Variants in PBX3 observed in about 807,000 individuals in gnomAD.
The protein encoded by PBX3 is pre-B-cell leukemia transcription factor 3.
PBX3 carries 14 observed loss-of-function variants against 48.5 expected under a neutral mutation model. The ratio of observed to expected loss-of-function variants is 0.29; its 90% CI spans 0.19 to 0.45. PBX3 has a LOEUF of 0.45. Among genes scored for constraint, PBX3 ranks in the 20% least tolerant of loss-of-function variants. The pLI, the probability that PBX3 is intolerant of heterozygous loss-of-function variation, is 1.00. For synonymous variants in PBX3, 210 were observed against 200.3 expected (o/e 1.05, Z -0.41); for missense variants, 386 against 546.7 (o/e 0.71, Z 2.93).
chr9:125,869,452 A>G (rs146282899), intron 2 of PBX3, among the ~76,000 whole-genome samples: 320 of 152,342 alleles, frequency 2.1e-3, no homozygotes, highest in Non-Finnish European at 3.6e-3. Flanking sequence ...ATGGGAAGAT[A>G]ACATCACCAA....
intron 2 of PBX3, among the ~76,000 whole-genome samples, chr9:125,800,361 A>G (rs751215362): frequency 2.7e-5 from 4 of 150,668 alleles, no homozygotes; most frequent in Non-Finnish European, 6.0e-5. Context: ...CCTCAGTGGT[A>G]TATATTCTAC....
At chr9:125,873,035 T>TA (rs1057183059) in intron 2 of PBX3, among the ~76,000 whole-genome samples, 4 of 150,572 alleles carry the variant, frequency 2.7e-5, no homozygotes, top group Admixed American at 6.6e-5. Flanking sequence ...CCGTCTCTAC[T>TA]AAAAAAAATA....
chr9:125,924,558 C>T (rs1841529291), intron 3 of PBX3, among the ~76,000 whole-genome samples: 1 of 152,150 alleles, frequency 6.6e-6, no homozygotes, highest in African/African-American at 2.4e-5. Flanking sequence ...TATTTAAGAT[C>T]ACTGGTCTGG....
At position 125,775,707 on chromosome 9, in the gene PBX3, T is replaced by A. The variant is rs1268319148; in HGVS notation, c.274+27084T>A. Among the ~76,000 whole-genome samples, 3 of 152,352 alleles carry A rather than the reference T, an allele frequency of 2.0e-5. No homozygotes were observed. The East Asian group carries it at 5.8e-4, about 29-fold the overall frequency. On this transcript the variant is annotated intron_variant, in intron 2 of 8. Coordinates refer to ENST00000373489, the MANE Select transcript of PBX3 (RefSeq NM_006195.6). ...GTATTAACTTTGTTCTTTTTCAAGA[T>A]TGTTTTGGATAGTTGAGGCCCCTTG...
chr9:125,934,340 G>A (rs572358765), intron 4 of PBX3, among the ~76,000 whole-genome samples: 1 of 152,262 alleles, frequency 6.6e-6, no homozygotes, highest in South Asian at 2.1e-4. Flanking sequence ...TGTGTTTTCT[G>A]ACTGTGGGAT....
chr9:125,927,926 A>C (rs559412567), intron 3 of PBX3, among the ~76,000 whole-genome samples: 1 of 152,254 alleles, frequency 6.6e-6, no homozygotes, highest in South Asian at 2.1e-4. Flanking sequence ...CATGCCTGTA[A>C]TCCTAGCACT....
At chr9:125,889,514 A>G (rs1209569826) in intron 2 of PBX3, among the ~76,000 whole-genome samples, 6 of 152,080 alleles carry the variant, frequency 3.9e-5, no homozygotes, top group African/African-American at 1.2e-4. Context: ...GTTCTCAGTC[A>G]CCTTGATGAA....
intron 2 of PBX3, among the ~76,000 whole-genome samples, chr9:125,817,529 A>G (rs1311451339): frequency 1.2e-4 from 19 of 152,174 alleles, no homozygotes. Context: ...CTTTCTTTAC[A>G]TTCATATTTG....
At chr9:125,944,998 G>A (rs910407426) in intron 5 of PBX3, among the ~76,000 whole-genome samples, 7 of 152,064 alleles carry the variant, frequency 4.6e-5, no homozygotes, top group Non-Finnish European at 8.8e-5. Flanking sequence ...TGAGGCGGGC[G>A]GATTGCTTGA....
intron 2 of PBX3, among the ~76,000 whole-genome samples, chr9:125,777,115 G>A (rs1198366190): frequency 1.3e-5 from 2 of 150,254 alleles, no homozygotes; most frequent in African/African-American, 2.4e-5. Context: ...AGGTTCAAGC[G>A]ATTCTTGTGC....
intron 5 of PBX3, among the ~76,000 whole-genome samples, chr9:125,938,467 G>T (rs1402791410): frequency 6.6e-6 from 1 of 151,844 alleles, no homozygotes; most frequent in Admixed American, 6.6e-5. Flanking sequence ...AGTTACAAGA[G>T]ATTTAAAAAA....
chr9:125,869,892 A>C (rs886559148), intron 2 of PBX3, among the ~76,000 whole-genome samples: 1 of 152,180 alleles, frequency 6.6e-6, no homozygotes, highest in African/African-American at 2.4e-5. Flanking sequence ...AGGGTAAACC[A>C]TGTGTATTAG....
Position 125,965,990 on chromosome 9 carries a change from G to A in PBX3, c.*67G>A, listed in dbSNP as rs1842523798. The A allele has an allele frequency of 4.1e-6, 5 of 1,217,610 alleles. No individual in the cohort carries two copies. The highest frequency in any genetic ancestry group is 1.5e-5 in the African/African-American group (1 of 67,158). The allele number at this position is 1,217,610 out of a possible 1,614,324, so 75.4% of individuals were successfully genotyped here. On this transcript the variant is annotated 3_prime_UTR_variant, in exon 9 of 9. Coordinates refer to ENST00000373489, the MANE Select transcript of PBX3 (RefSeq NM_006195.6). ...TGCATTCAGAGCAATAGGAGGAAAA[G>A]GAAAGCGTTTTTGTAGCCCACCATC...
Position 125,819,337 on chromosome 9 carries a change from A to C in PBX3, c.274+70714A>C, listed in dbSNP as rs149032590. Among the ~76,000 whole-genome samples the C allele has an allele frequency of 5.0e-3, 759 of 151,764 alleles. 5 individuals are homozygous for C. The highest frequency in any genetic ancestry group is 0.017 in the African/African-American group (712 of 41,432). ...TGAGGTGGGTAGTGAGACCAGCCTG[A>C]CCAACATGGAGAAACCCTGACTCTA... is the stretch of plus-strand genomic sequence containing the variant. On this transcript the variant is annotated intron_variant, in intron 2 of 8. Transcript: ENST00000373489.
At position 125,791,863 on chromosome 9, in the gene PBX3, G is replaced by A. The variant is rs187019399; in HGVS notation, c.274+43240G>A. Among the ~76,000 whole-genome samples the A allele has an allele frequency of 2.6e-5, 4 of 151,714 alleles. No individual in the cohort carries two copies. In the East Asian group the frequency reaches 7.8e-4, roughly 30 times the overall value. On this transcript the variant is annotated intron_variant, in intron 2 of 8. Coordinates refer to ENST00000373489, the MANE Select transcript of PBX3 (RefSeq NM_006195.6). ...AGGTAGGAGAATGGCGTGAACCCGGGAGGCAGAGGTTGCAGACTCCGTCTC... is the reference window on the plus strand; with the variant it reads ...AGGTAGGAGAATGGCGTGAACCCGGAAGGCAGAGGTTGCAGACTCCGTCTC...
intron 2 of PBX3, among the ~76,000 whole-genome samples, chr9:125,885,825 T>G (rs1840487508): frequency 6.6e-6 from 1 of 151,922 alleles, no homozygotes; most frequent in South Asian, 2.1e-4. Flanking sequence ...TGTGTTAGTT[T>G]TACAGCAATA....
intron 2 of PBX3, among the ~76,000 whole-genome samples, chr9:125,836,235 AGAGATC>A (rs1277714625): frequency 6.6e-6 from 1 of 152,084 alleles, no homozygotes; most frequent in Non-Finnish European, 1.5e-5. Flanking sequence ...CATGAGGTCA[AGAGATC>A]GAGACCATCC....
At chr9:125,858,201 A>G (rs1422874048) in intron 2 of PBX3, among the ~76,000 whole-genome samples, 1 of 152,174 alleles carries the variant, frequency 6.6e-6, no homozygotes, top group Non-Finnish European at 1.5e-5. Flanking sequence ...CCATCACTAG[A>G]AAAAAATTAA....
At chr9:125,802,421 T>C (rs1837985565) in intron 2 of PBX3, among the ~76,000 whole-genome samples, 1 of 145,116 alleles carries the variant, frequency 6.9e-6, no homozygotes, top group African/African-American at 2.5e-5. Context: ...AGTGTGGAGT[T>C]CAGTAGCATG....
Sources: allele counts gnomAD v4.1 joint callset (sites outside exome capture counted in the v4.1 genomes callset), GRCh38; gene constraint gnomAD v4.1.1; transcripts MANE v1.5; gene names NCBI Gene and HGNC (gene_info 2026-07-23, HGNC 2026-07-21).